XPR1: variants seen among roughly 807,000 people sequenced by gnomAD.
XPR1 encodes solute carrier family 53 member 1.
A neutral mutation model predicts 87.5 loss-of-function variants in XPR1; 28 were observed. The ratio of observed to expected loss-of-function variants is 0.32; its 90% CI spans 0.24 to 0.44. The LOEUF is 0.44. Among genes scored for constraint, XPR1 ranks in the 20% least tolerant of loss-of-function variants. XPR1 has a pLI of 1.00. For missense variants in XPR1, 559 were observed against 862.3 expected (o/e 0.65, Z 4.41); for synonymous variants, 300 against 306.1 (o/e 0.98, Z 0.21).
At chr1:180,756,689 A>T (rs1647762568) in intron 2 of XPR1, among the ~76,000 whole-genome samples, 1 of 151,784 alleles carries the variant, frequency 6.6e-6, no homozygotes, top group African/African-American at 2.4e-5. Flanking sequence ...TATGTAAGAG[A>T]GGTTTGTCTT....
intron 2 of XPR1, among the ~76,000 whole-genome samples, chr1:180,756,457 C>T (rs989622794): frequency 6.6e-6 from 1 of 152,170 alleles, no homozygotes; most frequent in African/African-American, 2.4e-5. Context: ...AGTCTATTCA[C>T]ATCCTCTGCC....
intron 2 of XPR1, among the ~76,000 whole-genome samples, chr1:180,778,851 CAG>C (rs1397471885): frequency 6.6e-6 from 1 of 152,164 alleles, no homozygotes; most frequent in Non-Finnish European, 1.5e-5. Context: ...TTTAATAAAA[CAG>C]AAACTAATTC....
chr1:180,835,973 A>G (rs1651271936), intron 10 of XPR1, among the ~76,000 whole-genome samples: 2 of 152,144 alleles, frequency 1.3e-5, no homozygotes, highest in African/African-American at 4.8e-5. Flanking sequence ...TGATTCCTGG[A>G]CAGATATCCA....
chr1:180,719,536 A>G (rs1256686252), intron 2 of XPR1, among the ~76,000 whole-genome samples: 4 of 152,214 alleles, frequency 2.6e-5, no homozygotes, highest in Non-Finnish European at 5.9e-5. Context: ...TCTTGCAGCA[A>G]TTTAAAGATG....
At chr1:180,823,409 A>G (rs1650711320) in intron 7 of XPR1, among the ~76,000 whole-genome samples, 1 of 152,232 alleles carries the variant, frequency 6.6e-6, no homozygotes, top group Non-Finnish European at 1.5e-5. Context: ...GTAAGGATCC[A>G]GGATCTGTCT....
intron 11 of XPR1, among the ~76,000 whole-genome samples, chr1:180,861,415 G>A (rs1652217462): frequency 1.3e-5 from 2 of 151,938 alleles, no homozygotes; most frequent in African/African-American, 4.8e-5. Context: ...GCCATGATGT[G>A]AATTATTGAA....
intron 1 of XPR1, among the ~76,000 whole-genome samples, chr1:180,669,089 A>AT (rs1491512898): frequency 7.6e-6 from 1 of 132,240 alleles, no homozygotes. Context: ...AACTCTGTCT[A>AT]AAAAAAAAAA....
At chr1:180,744,185 G>A (rs1288476938) in intron 2 of XPR1, among the ~76,000 whole-genome samples, 1 of 152,122 alleles carries the variant, frequency 6.6e-6, no homozygotes, top group Non-Finnish European at 1.5e-5. Context: ...CTGTGGCTTA[G>A]ATTGAATAAT....
At chr1:180,644,334 A>G (rs565206651) in intron 1 of XPR1, among the ~76,000 whole-genome samples, 1 of 150,634 alleles carries the variant, frequency 6.6e-6, no homozygotes, top group South Asian at 2.1e-4. Context: ...TTATGCTTAT[A>G]TGTGCTGCCG....
At chr1:180,796,623 A>G (rs1649581719) in intron 3 of XPR1, among the ~76,000 whole-genome samples, 1 of 152,204 alleles carries the variant, frequency 6.6e-6, no homozygotes, top group South Asian at 2.1e-4. Flanking sequence ...TTTATGGTAC[A>G]AAGATAATGA....
At chr1:180,673,449 C>G (rs1349932271) in intron 1 of XPR1, among the ~76,000 whole-genome samples, 1 of 152,134 alleles carries the variant, frequency 6.6e-6, no homozygotes, top group Admixed American at 6.5e-5. Flanking sequence ...CAGCAATCAT[C>G]TAAAAATAAA....
chr1:180,689,247 G>T (rs1032815245), intron 2 of XPR1, among the ~76,000 whole-genome samples: 8 of 152,044 alleles, frequency 5.3e-5, no homozygotes, highest in Non-Finnish European at 1.2e-4. Flanking sequence ...TGCTCTATTT[G>T]ACAACAAAAG....
chr1:180,729,903 A>G (rs1658493965), intron 2 of XPR1, among the ~76,000 whole-genome samples: 1 of 152,072 alleles, frequency 6.6e-6, no homozygotes, highest in Non-Finnish European at 1.5e-5. Flanking sequence ...TTTAAGTCCC[A>G]TTTGGCAGTG....
Position 180,811,498 on chromosome 1 carries a change from T to A in XPR1, c.763+10T>A. ...ACCCTTGTGCTTGCCGGTAAGTAGT[T>A]TAAATTTTGAATTAATTTATTCTTA... is the stretch of plus-strand genomic sequence containing the variant. On this transcript the variant is annotated intron_variant, in intron 7 of 14. Coordinates refer to ENST00000367590, the MANE Select transcript of XPR1 (RefSeq NM_004736.4). 6.2e-7 allele frequency: 1 copy of A among 1,604,950 alleles called. No homozygotes were observed.
intron 2 of XPR1, among the ~76,000 whole-genome samples, chr1:180,709,902 T>A (rs12066936): frequency 0.02 from 2,841 of 141,550 alleles, 50 homozygotes; most frequent in African/African-American, 0.046. Context: ...TTTTTTTTTT[T>A]AATTTTTTTA....
chr1:180,685,424 GAA>G lies in XPR1; in HGVS notation c.121+3014_121+3015del, dbSNP rs1370020196. On this transcript the variant is annotated intron_variant, in intron 2 of 14. Transcript: ENST00000367590. ...TGAGGATTTTTGCATCGATGTTCAT[GAA>G]GGATATTGGTCTAAAATTCTCTTTT... is the stretch of plus-strand genomic sequence containing the variant. Among the ~76,000 whole-genome samples the G allele has an allele frequency of 4.0e-3, 615 of 152,196 alleles. 2 individuals carry two copies. Among genetic ancestry groups the G allele is most frequent in the Admixed American group, 7.4e-3 (113 of 15,252 alleles).
intron 1 of XPR1, among the ~76,000 whole-genome samples, chr1:180,639,166 G>A (rs954405357): frequency 3.3e-5 from 5 of 151,938 alleles, no homozygotes; most frequent in Non-Finnish European, 7.4e-5. Context: ...GTGTGGTGGC[G>A]TGTGCCTGCT....
chr1:180,699,042 A>T (rs1571738863), intron 2 of XPR1, among the ~76,000 whole-genome samples: 1 of 152,282 alleles, frequency 6.6e-6, no homozygotes, highest in South Asian at 2.1e-4. Flanking sequence ...GGATCTGGAT[A>T]ACCAAATCTC....
chr1:180,765,598 G>A (rs1648253395), intron 2 of XPR1, among the ~76,000 whole-genome samples: 2 of 152,008 alleles, frequency 1.3e-5, no homozygotes, highest in African/African-American at 4.8e-5. Flanking sequence ...ATATAAAATG[G>A]CATAGTATTT....
Sources: allele counts gnomAD v4.1 joint callset (sites outside exome capture counted in the v4.1 genomes callset), GRCh38; gene constraint gnomAD v4.1.1; transcripts MANE v1.5; gene names NCBI Gene and HGNC (gene_info 2026-07-23, HGNC 2026-07-21).